Variants in RAC3 observed in about 807,000 individuals in gnomAD.
RAC3 encodes the protein Rac family small GTPase 3.
A neutral mutation model predicts 19.0 loss-of-function variants in RAC3; 9 were observed. The observed-to-expected ratio is 0.47, with a 90% CI of 0.29 to 0.83. The LOEUF (loss-of-function observed/expected upper bound fraction) is 0.83, where lower values mean the gene tolerates loss of function less well. Among genes scored for constraint, RAC3 ranks in the 40% least tolerant of loss-of-function variants. The pLI is 0.09. For synonymous variants in RAC3, 146 were observed against 111.8 expected, an observed-to-expected ratio of 1.31 and a Z score of -1.93; for missense variants, 203 against 260.8, an observed-to-expected ratio of 0.78 and a Z score of 1.53.
At position 82,033,148 on chromosome 17, in the gene RAC3, G is replaced by A. The variant is rs2043449501; in HGVS notation, c.288+139G>A. 4.1e-6 allele frequency: 4 copies of A among 972,000 alleles called. No individual in the cohort carries two copies. In the Admixed American group the frequency reaches 8.2e-5, roughly 20 times the overall value. 60.2% of individuals were successfully genotyped at this position (972,000 alleles called of 1,614,324 possible). A position where few individuals can be genotyped will look rare whatever the true frequency, so the allele number is the denominator to read the frequency against. On this transcript the variant is annotated intron_variant, in intron 4 of 5. Transcript: ENST00000306897. The surrounding 1 kb of genome is among the most constrained non-coding windows in gnomAD (Gnocchi z 6.2). ...AGTGGGGTCTGAAGATGACCATGGG[G>A]GCTGATGGGGTGCCGTGGTGGTGGT...
Position 82,032,251 on chromosome 17 carries a change from G to T in RAC3, c.36-136G>T. On this transcript the variant is annotated intron_variant, in intron 1 of 5. Transcript: ENST00000306897. Reference sequence around the variant, plus strand: ...TCGTCCTCCAGCCTTAGGTCGCCACGGATCTGGTGGGCTGGGTCCCCCTCT... The same window carrying T: ...TCGTCCTCCAGCCTTAGGTCGCCACTGATCTGGTGGGCTGGGTCCCCCTCT... 4 of 765,240 alleles carry T rather than the reference G, an allele frequency of 5.2e-6. No homozygotes were observed. In the South Asian group the frequency reaches 6.8e-5, roughly 13 times the overall value. 47.4% of individuals were successfully genotyped at this position (765,240 alleles called of 1,614,324 possible).
intron 1 of RAC3, 156 bp from the exon 2 acceptor site, chr17:82,032,231 C>T: frequency 4.4e-6 from 3 of 674,870 alleles, no homozygotes; most frequent in East Asian, 2.7e-5. Flanking sequence ...CCAGGTCGTC[C>T]TCCAGCCTTA....
Position 82,034,016 on chromosome 17 carries a change from TC to T in RAC3, c.*189del. 1.5e-6 allele frequency: 1 copy of T among 648,178 alleles called. No individual in the cohort carries two copies. Among genetic ancestry groups the T allele is most frequent in the Non-Finnish European group, 2.3e-6 (1 of 437,056 alleles). 40.2% of individuals were successfully genotyped at this position (648,178 alleles called of 1,614,324 possible). A position where few individuals can be genotyped will look rare whatever the true frequency, so the allele number is the denominator to read the frequency against. ...CTGCCGCCTCATTCTGGGGTGTGGC[TC>T]CAGCCTTCCCTGGCCCCCGCCGGAG... On this transcript the variant is annotated 3_prime_UTR_variant, in exon 6 of 6. Transcript: ENST00000306897.
At position 82,033,285 on chromosome 17, in the gene RAC3, C is replaced by T. The variant is rs995713569; in HGVS notation, c.289-155C>T. On this transcript the variant is annotated intron_variant, in intron 4 of 5. Coordinates refer to ENST00000306897, the MANE Select transcript of RAC3 (RefSeq NM_005052.3). This position sits in a 1 kb window ranked among gnomAD's most constrained non-coding sequence, Gnocchi z 6.2. ...CTGGCTGCGTGTTTGTTCCTGGTATCTCCCCACCAAATCCGCCCCTGGTCA... is the reference window on the plus strand; with the variant it reads ...CTGGCTGCGTGTTTGTTCCTGGTATTTCCCCACCAAATCCGCCCCTGGTCA... Among the ~76,000 whole-genome samples the T allele has an allele frequency of 2.0e-5, 3 of 152,172 alleles. No individual in the cohort carries two copies. The highest frequency in any genetic ancestry group is 7.2e-5 in the African/African-American group (3 of 41,444).
At position 82,033,479 on chromosome 17, in the gene RAC3, A is replaced by G; in HGVS notation, c.328A>G (p.Ile110Val). ...GCGGCACCACTGCCCCCACACGCCC[A>G]TCCTCCTGGTGGGCACCAAGCTGGA... ...EVRHHCPHTP[I>V]LLVGTKLDLR... is the part of the protein sequence containing the mutation. The change falls in exon 5 of 6, where the codon ATC (isoleucine) becomes GTC (valine). Residue 110 changes from isoleucine (I) to valine (V), a missense_variant. Physicochemically the swap from Ile to Val is conservative, Grantham distance 29. Around this residue, in one of 3 missense-constraint regions of RAC3, gnomAD observed 142 missense variants for 158.2 expected, o/e 0.90. Transcript: ENST00000306897. The surrounding 1 kb of genome is among the most constrained non-coding windows in gnomAD (Gnocchi z 6.2). 3 of 1,612,294 alleles carry G rather than the reference A, an allele frequency of 1.9e-6. No individual in the cohort carries two copies. The highest frequency in any genetic ancestry group is 2.5e-6 in the Non-Finnish European group (3 of 1,179,550).
chr17:82,033,415 G>C lies in RAC3; in HGVS notation c.289-25G>C. ...GCTGGGGTAGCCGACTCCGGGCCTAGGGATCAGAGCGTCTGTCCCTGCAGT... is the reference window on the plus strand; with the variant it reads ...GCTGGGGTAGCCGACTCCGGGCCTACGGATCAGAGCGTCTGTCCCTGCAGT... On this transcript the variant is annotated intron_variant, in intron 4 of 5. Transcript: ENST00000306897. This position sits in a 1 kb window ranked among gnomAD's most constrained non-coding sequence, Gnocchi z 6.2. 6.4e-7 allele frequency: 1 copy of C among 1,561,406 alleles called. No homozygotes were observed. Among genetic ancestry groups the C allele is most frequent in the Non-Finnish European group, 8.7e-7 (1 of 1,153,972 alleles).
In RAC3 at chr17:82,032,464, T is replaced by C. The variant is rs1226763402; in HGVS notation, c.107+6T>C. On this transcript the variant is annotated splice_donor_region_variant and intron_variant, in intron 2 of 5. Transcript: ENST00000306897. ...GGAGAGTACATCCCCACCGTGTGAG[T>C]GTGGGGGCTTCCCGGGAGAGCACAG... is the stretch of plus-strand genomic sequence containing the variant. 1 of 1,612,150 alleles carries C rather than the reference T, an allele frequency of 6.2e-7. No individual in the cohort carries two copies. Among genetic ancestry groups the C allele is most frequent in the Non-Finnish European group, 8.5e-7 (1 of 1,179,362 alleles).
At position 82,033,536 on chromosome 17, in the gene RAC3, C is replaced by A; in HGVS notation, c.385C>A (p.Leu129Met). ...CGACGACAAGGACACCATTGAGCGG[C>A]TGCGGGACAAGAAGCTGGCACCCAT... The part of the protein sequence containing the change: ...LRDDKDTIER[L>M]RDKKLAPITY... The change falls in exon 5 of 6, where the codon CTG becomes ATG. Residue 129 changes from leucine (L) to methionine (M), a missense_variant. Physicochemically the swap from Leu to Met is conservative, Grantham distance 15. Coordinates refer to ENST00000306897, the MANE Select transcript of RAC3 (RefSeq NM_005052.3). The surrounding 1 kb of genome is among the most constrained non-coding windows in gnomAD (Gnocchi z 6.2). 6.2e-7 allele frequency: 1 copy of A among 1,612,900 alleles called. No individual in the cohort carries two copies. The highest frequency in any genetic ancestry group is 1.7e-5 in the Admixed American group (1 of 59,994).
At position 82,032,388 on chromosome 17, in the gene RAC3, G is replaced by A; in HGVS notation, c.37G>A (p.Ala13Thr). ...AIKCVVVGDG[A>T]VGKTCLLISY... ...CCACGTGGCTTGCCCTGTCCGCAGC[G>A]CCGTGGGGAAGACATGCTTGCTGAT... Residue 13 changes from alanine (A) to threonine (T), a missense_variant and splice_region_variant, in exon 2 of 6, where the codon GCC becomes ACC. By Grantham distance (58) the Ala-to-Thr change is moderately conservative (BLOSUM62 0). This residue lies in a region of RAC3 where 49 missense variants were observed against 67.4 expected (regional missense o/e 0.73). Coordinates refer to ENST00000306897, the MANE Select transcript of RAC3 (RefSeq NM_005052.3). 1.2e-6 allele frequency: 2 copies of A among 1,612,622 alleles called. No homozygotes were observed. The highest frequency in any genetic ancestry group is 8.5e-7 in the Non-Finnish European group (1 of 1,179,876).
At chr17:82,031,839 A>G (rs1478170827) in intron 1 of RAC3, 43 bp downstream of exon 1, 7 of 105,682 alleles carry the variant, frequency 6.6e-5, no homozygotes, top group Non-Finnish European at 1.0e-4. Flanking sequence ...GCTGGGCGGG[A>G]GGGGGGCTCG....
rs1396118588 is a variant in RAC3 at position 82,031,709 on chromosome 17, A to C, written c.-53A>C. The C allele has an allele frequency of 1.5e-5, 14 of 939,380 alleles. No homozygotes were observed. Among genetic ancestry groups the C allele is most frequent in the African/African-American group, 9.1e-5 (5 of 55,160 alleles). The allele number at this position is 939,380 out of a possible 1,614,324, so 58.2% of individuals were successfully genotyped here. On this transcript the variant is annotated 5_prime_UTR_variant, in exon 1 of 6. Transcript: ENST00000306897. ...GTCCGCGGCCGCTGCGGCGCCGGGCATTTCTCCGCAGCTCGGCTCGCGGCC... is the reference window on the plus strand; with the variant it reads ...GTCCGCGGCCGCTGCGGCGCCGGGCCTTTCTCCGCAGCTCGGCTCGCGGCC...
Position 82,032,698 on chromosome 17 carries a change from C to T in RAC3, c.108-13C>T, listed in dbSNP as rs193222634. On this transcript the variant is annotated splice_polypyrimidine_tract_variant and intron_variant, in intron 2 of 5. Coordinates refer to ENST00000306897, the MANE Select transcript of RAC3 (RefSeq NM_005052.3). ...CCCTCCCAAGCCCTGACCCTGCCCT[C>T]ACTGCTCTGCAGTTTTGACAACTAC... is the stretch of plus-strand genomic sequence containing the variant. 6 of 1,610,618 alleles carry T rather than the reference C, an allele frequency of 3.7e-6. No individual in the cohort carries two copies. In the Admixed American group the frequency reaches 6.7e-5, roughly 18 times the overall value.
chr17:82,032,702 G>C lies in RAC3; in HGVS notation c.108-9G>C. On this transcript the variant is annotated splice_polypyrimidine_tract_variant and intron_variant, in intron 2 of 5. Coordinates refer to ENST00000306897, the MANE Select transcript of RAC3 (RefSeq NM_005052.3). Reference sequence around the variant, plus strand: ...CCCAAGCCCTGACCCTGCCCTCACTGCTCTGCAGTTTTGACAACTACTCTG... The same window carrying C: ...CCCAAGCCCTGACCCTGCCCTCACTCCTCTGCAGTTTTGACAACTACTCTG... 1 of 1,612,214 alleles carries C rather than the reference G, an allele frequency of 6.2e-7. No individual in the cohort carries two copies. Among genetic ancestry groups the C allele is most frequent in the Non-Finnish European group, 8.5e-7 (1 of 1,179,256 alleles).
rs755954997 is a variant in RAC3 at position 82,033,002 on chromosome 17, G to A, written c.281G>A (p.Arg94His). The A allele has an allele frequency of 8.7e-6, 14 of 1,613,232 alleles. No individual in the cohort carries two copies. The highest frequency in any genetic ancestry group is 3.3e-5 in the South Asian group (3 of 91,088). The change falls in exon 4 of 6, where the codon CGT becomes CAT. Residue 94 changes from arginine to histidine, a missense_variant. Transcript: ENST00000306897. This position sits in a 1 kb window ranked among gnomAD's most constrained non-coding sequence, Gnocchi z 6.2. ...AGCCCGGCCTCCTTCGAGAATGTTCGTGCCAAGGTAGGGCAAGGCTGGGGG... is the reference window on the plus strand; with the variant it reads ...AGCCCGGCCTCCTTCGAGAATGTTCATGCCAAGGTAGGGCAAGGCTGGGGG... ...LVSPASFENVRAKWYPEVRHH... is the reference protein window; with the variant it reads ...LVSPASFENVHAKWYPEVRHH...
In RAC3 at chr17:82,032,814, T is replaced by C. The variant is rs2043444053; in HGVS notation, c.211T>C (p.Ser71Pro). The change falls in exon 3 of 6, where the codon TCC (serine) becomes CCC (proline). Residue 71 changes from serine to proline, a missense_variant. Ser to Pro is a moderately conservative substitution (Grantham distance 74, BLOSUM62 -1). Transcript: ENST00000306897. The stretch of plus-strand genomic sequence containing the variant: ...GGACTACGATCGGCTGCGGCCACTC[T>C]CCTACCCCCAAACTGTACGTAACAA... ...QEDYDRLRPL[S>P]YPQTDVFLIC... 1.2e-6 allele frequency: 2 copies of C among 1,612,778 alleles called. No individual in the cohort carries two copies. Among genetic ancestry groups the C allele is most frequent in the Non-Finnish European group, 1.7e-6 (2 of 1,179,952 alleles).
Position 82,032,654 on chromosome 17 carries a change from G to A in RAC3, c.108-57G>A, listed in dbSNP as rs1030137919. 5.2e-6 allele frequency: 8 copies of A among 1,536,226 alleles called. No homozygotes were observed. The Admixed American group carries it at 8.3e-5, about 16-fold the overall frequency. On this transcript the variant is annotated intron_variant, in intron 2 of 5. Coordinates refer to ENST00000306897, the MANE Select transcript of RAC3 (RefSeq NM_005052.3). ...TGAACCCCAAGACACAGGCCAGCAG[G>A]GCTGGGGGTTTCTGGGACCCCTCCC...
chr17:82,032,107 G>T, intron 1 of RAC3: 1 of 486,122 alleles, frequency 2.1e-6, no homozygotes, highest in East Asian at 3.6e-5. Context: ...TGAACCCTCA[G>T]CCGGCCCCAC....
In RAC3 at chr17:82,033,616, G is replaced by A. The variant is rs372374816; in HGVS notation, c.448+17G>A. 1.1e-5 allele frequency: 18 copies of A among 1,604,082 alleles called. No homozygotes were observed. The highest frequency in any genetic ancestry group is 1.1e-4 in the African/African-American group (8 of 74,716). ...GGGAGATTGGTGGGTAGGCGCTGGC[G>A]GCCTGCAGGGGAGGGGTGGGGAGGC... On this transcript the variant is annotated intron_variant, in intron 5 of 5. Transcript: ENST00000306897. The surrounding 1 kb of genome is among the most constrained non-coding windows in gnomAD (Gnocchi z 6.2).
Position 82,033,805 on chromosome 17 carries a change from G to C in RAC3, c.555G>C (p.Pro185=). Residue 185 remains proline (P), a synonymous_variant, in exon 6 of 6, where the codon CCG becomes CCC. Transcript: ENST00000306897. This position sits in a 1 kb window ranked among gnomAD's most constrained non-coding sequence, Gnocchi z 6.2. ...TCTGCCCGCCCCCAGTGAAGAAGCCGGGGAAGAAGTGCACCGTCTTCTAGA... is the reference window on the plus strand; with the variant it reads ...TCTGCCCGCCCCCAGTGAAGAAGCCCGGGAAGAAGTGCACCGTCTTCTAGA... ...AVLCPPPVKK[P]GKKCTVF 1 of 1,608,146 alleles carries C rather than the reference G, an allele frequency of 6.2e-7. No individual in the cohort carries two copies. Among genetic ancestry groups the C allele is most frequent in the South Asian group, 1.1e-5 (1 of 90,508 alleles).
Sources: allele counts gnomAD v4.1 joint callset (sites outside exome capture counted in the v4.1 genomes callset), GRCh38; gene constraint gnomAD v4.1.1; regional missense constraint gnomAD v4.1.1; non-coding constraint Gnocchi (gnomAD v3.1); transcripts MANE v1.5; gene names NCBI Gene and HGNC (gene_info 2026-07-23, HGNC 2026-07-21).